Variants in GLB1 observed in about 807,000 individuals in gnomAD.
GLB1 encodes beta-galactosidase.
Under a neutral mutation model 74.0 loss-of-function variants are expected in GLB1, and 56 were observed. The ratio of observed to expected loss-of-function variants is 0.76; its 90% CI spans 0.61 to 0.94. The LOEUF is 0.94. Among genes scored for constraint, GLB1 ranks in the 40% least tolerant of loss-of-function variants. The pLI, the probability that GLB1 is intolerant of heterozygous loss-of-function variation, is 0.00. For missense variants in GLB1, 787 were observed against 845.5 expected, an observed-to-expected ratio of 0.93 and a Z score of 0.86; for synonymous variants, 323 against 323.6, an observed-to-expected ratio of 1.00 and a Z score of 0.02.
chr3:32,982,704 T>C, the GLB1 span, among the ~76,000 whole-genome samples: 1 of 152,200 alleles, frequency 6.6e-6, no homozygotes, highest in Non-Finnish European at 1.5e-5. Context: ...ATACACAGGT[T>C]TACCACTCTA....
In GLB1 at chr3:33,095,210, C is replaced by CAA. The variant is rs71630565; in HGVS notation, c.75+1799_75+1800dup. 5.2e-3 allele frequency among the ~76,000 whole-genome samples: 391 copies of CAA among 75,782 alleles called. 4 individuals carry two copies. Among genetic ancestry groups the CAA allele is most frequent in the African/African-American group, 0.013 (242 of 18,314 alleles). The allele number at this position is 75,782 out of a possible 152,430, so 49.7% of individuals were successfully genotyped here. ...TGGGCAAAAGAGCGAGACTCTGTCTCAAAAAAAAAAAAAAAAAAAAAAAAA... is the reference window on the plus strand; with the variant it reads ...TGGGCAAAAGAGCGAGACTCTGTCTCAAAAAAAAAAAAAAAAAAAAAAAAAAA... On this transcript the variant is annotated intron_variant, in intron 1 of 15. Coordinates refer to ENST00000307363, the MANE Select transcript of GLB1 (RefSeq NM_000404.4).
intron 9 of GLB1, among the ~76,000 whole-genome samples, chr3:33,051,072 C>T (rs1698955179): frequency 6.6e-6 from 1 of 151,264 alleles, no homozygotes; most frequent in South Asian, 2.1e-4. Context: ...ACTAAAAATA[C>T]AAAAACAAAA....
rs767391482 is a variant in GLB1, at chr3:33,045,522, G to A, written c.1068+598C>T. ...AAAATAGTTTATCTTCTTCTCTCTT[G>A]CAAATAAGGACGGAGTTATTTTCTA... is the stretch of plus-strand genomic sequence containing the variant. On this transcript the variant is annotated intron_variant, in intron 10 of 15. Transcript: ENST00000307363. 30 of 988,102 alleles carry A rather than the reference G, an allele frequency of 3.0e-5. 1 individual carries two copies. Among genetic ancestry groups the A allele is most frequent in the Non-Finnish European group, 3.6e-5 (30 of 831,590 alleles). The allele number at this position is 988,102 out of a possible 1,614,324, so 61.2% of individuals were successfully genotyped here.
intron 1 of GLB1, chr3:33,090,633 G>A: frequency 1.0e-6 from 1 of 985,404 alleles, no homozygotes. Context: ...AAAGGTCCAT[G>A]GTTTAAGAAT....
At chr3:33,039,201 A>C (rs1268964681) in intron 10 of GLB1, among the ~76,000 whole-genome samples, 1 of 151,334 alleles carries the variant, frequency 6.6e-6, no homozygotes, top group Non-Finnish European at 1.5e-5. Context: ...GAGGCAGGAG[A>C]ATCACTTAAA....
At chr3:33,083,397 CAAAAAAAAA>C (rs60737086) in intron 1 of GLB1, among the ~76,000 whole-genome samples, 2 of 104,214 alleles carry the variant, frequency 1.9e-5, no homozygotes, top group Non-Finnish European at 3.8e-5. Flanking sequence ...AACTCTGTCT[CAAAAAAAAA>C]AAAAAAAAAA....
chr3:33,046,254 C>A (rs769588476), intron 9 of GLB1, 22 bp from the exon 10 acceptor site: 7 of 1,613,196 alleles, frequency 4.3e-6, no homozygotes, highest in Non-Finnish European at 5.9e-6. Context: ...AAATGTGCCA[C>A]TAGTTATTAC....
chr3:32,978,187 C>T, the GLB1 span, among the ~76,000 whole-genome samples: 55 of 152,302 alleles, frequency 3.6e-4, no homozygotes, highest in Non-Finnish European at 5.4e-4. Context: ...GGTGAGAGAA[C>T]TGTCTTAACG....
chr3:33,025,618 TGGGCCGTGGCGGTG>T, intron 10 of GLB1, among the ~76,000 whole-genome samples: 2 of 149,926 alleles, frequency 1.3e-5, no homozygotes, highest in African/African-American at 4.9e-5. Context: ...AAGGAGGTCG[TGGGCCGTGGCGGTG>T]GGAGCAGCTG....
chr3:33,006,339 TA>T (rs1434143930), intron 15 of GLB1, among the ~76,000 whole-genome samples: 1 of 152,162 alleles, frequency 6.6e-6, no homozygotes, highest in Non-Finnish European at 1.5e-5. Flanking sequence ...GCGAGGGATA[TA>T]GGCTGTGCAC....
At chr3:32,983,367 A>G in the GLB1 span, among the ~76,000 whole-genome samples, 1 of 152,078 alleles carries the variant, frequency 6.6e-6, no homozygotes, top group Non-Finnish European at 1.5e-5. Flanking sequence ...TGTCTCTTCT[A>G]CTGTGTCTAA....
chr3:33,045,982 C>G (rs1428217490), intron 10 of GLB1, 138 bp downstream of exon 10: 2 of 1,200,134 alleles, frequency 1.7e-6, no homozygotes, highest in Non-Finnish European at 2.4e-6. Context: ...GATGCAAACC[C>G]AAGTCTAGCT....
intron 15 of GLB1, among the ~76,000 whole-genome samples, chr3:32,998,025 C>A (rs1056381557): frequency 2.0e-5 from 3 of 152,228 alleles, no homozygotes; most frequent in Non-Finnish European, 2.9e-5. Context: ...CTCTTACAGG[C>A]ACCCTCAGAG....
At chr3:33,022,564 A>ATTTTTTTTTTTT (rs61013692) in intron 11 of GLB1, among the ~76,000 whole-genome samples, 1,144 of 63,654 alleles carry the variant, frequency 0.018, 266 homozygotes, top group African/African-American at 0.054. Flanking sequence ...ACTGGTTAGG[A>ATTTTTTTTTTTT]TTTTTTTTTT....
chr3:33,083,272 C>T (rs1700386850), intron 1 of GLB1, among the ~76,000 whole-genome samples: 1 of 151,978 alleles, frequency 6.6e-6, no homozygotes, highest in South Asian at 2.1e-4. Flanking sequence ...GTGGCACATG[C>T]CTGTAATCCC....
rs1696382359 is a variant in GLB1, at chr3:32,997,911, G to A, written c.1735-567C>T. ...TCCTGAGGTCAGACAGGTACCAGGA[G>A]TGGTCCCCAAAACAACCCCTCAAGA... is the stretch of plus-strand genomic sequence containing the variant. On this transcript the variant is annotated intron_variant, in intron 15 of 15. Coordinates refer to ENST00000307363, the MANE Select transcript of GLB1 (RefSeq NM_000404.4). Among the ~76,000 whole-genome samples the A allele has an allele frequency of 2.0e-5, 3 of 152,352 alleles. 1 individual carries two copies. In the South Asian group the frequency reaches 6.2e-4, roughly 32 times the overall value.
chr3:33,052,473 A>G (rs1486710835), intron 7 of GLB1, among the ~76,000 whole-genome samples: 1 of 152,100 alleles, frequency 6.6e-6, no homozygotes, highest in Admixed American at 6.5e-5. Flanking sequence ...CTCAACTAAA[A>G]ATACAAACAT....
chr3:33,088,242 T>C (rs1459259912), intron 1 of GLB1, among the ~76,000 whole-genome samples: 2 of 152,124 alleles, frequency 1.3e-5, no homozygotes, highest in African/African-American at 4.8e-5. Context: ...CTACTCAACA[T>C]AGTTTTGGAA....
intron 15 of GLB1, among the ~76,000 whole-genome samples, chr3:33,008,926 C>T (rs1696895001): frequency 6.6e-6 from 1 of 151,294 alleles, no homozygotes; most frequent in Non-Finnish European, 1.5e-5. Flanking sequence ...TTGAGACTGG[C>T]CTGACCAACA....
Sources: allele counts gnomAD v4.1 joint callset (sites outside exome capture counted in the v4.1 genomes callset), GRCh38; gene constraint gnomAD v4.1.1; transcripts MANE v1.5; gene names NCBI Gene and HGNC (gene_info 2026-07-23, HGNC 2026-07-21).